KCNT2: variants seen among roughly 807,000 people sequenced by gnomAD.
The protein encoded by KCNT2 is potassium channel subfamily T member 2.
KCNT2 carries 67 observed loss-of-function variants against 153.8 expected under a neutral mutation model. The observed-to-expected ratio is 0.44, with a 90% CI of 0.36 to 0.53. KCNT2 has a LOEUF of 0.53. Among genes scored for constraint, KCNT2 ranks in the 20% least tolerant of loss-of-function variants. KCNT2 has a pLI of 0.00. For missense variants in KCNT2, 975 were observed against 1,354.8 expected, an observed-to-expected ratio of 0.72 and a Z score of 4.40; for synonymous variants, 500 against 458.8, an observed-to-expected ratio of 1.09 and a Z score of -1.15.
intron 26 of KCNT2, among the ~76,000 whole-genome samples, chr1:196,251,252 C>A (rs1655943255): frequency 6.6e-6 from 1 of 152,062 alleles, no homozygotes; most frequent in Non-Finnish European, 1.5e-5. Flanking sequence ...TACATATATA[C>A]AATGGAGTAA....
intron 1 of KCNT2, among the ~76,000 whole-genome samples, chr1:196,539,455 T>C (rs1656043386): frequency 6.6e-6 from 1 of 152,178 alleles, no homozygotes; most frequent in African/African-American, 2.4e-5. Flanking sequence ...AATATTAGTA[T>C]ATTACACTTT....
chr1:196,500,340 C>T (rs1488309294), intron 1 of KCNT2, among the ~76,000 whole-genome samples: 2 of 151,074 alleles, frequency 1.3e-5, no homozygotes, highest in Non-Finnish European at 2.9e-5. Context: ...GAAAAAGAAA[C>T]GTTCATTCAA....
At chr1:196,391,084 T>C (rs1368469662) in intron 13 of KCNT2, among the ~76,000 whole-genome samples, 1 of 151,066 alleles carries the variant, frequency 6.6e-6, no homozygotes, top group Non-Finnish European at 1.5e-5. Context: ...TTGATATACA[T>C]GGAGGTTATG....
At position 196,236,055 on chromosome 1, in the gene KCNT2, T is replaced by C; in HGVS notation, c.3227A>G (p.His1076Arg). 1 of 1,589,974 alleles carries C rather than the reference T, an allele frequency of 6.3e-7. No homozygotes were observed. Among genetic ancestry groups the C allele is most frequent in the Non-Finnish European group, 8.6e-7 (1 of 1,159,042 alleles). Residue 1076 changes from histidine to arginine, a missense_variant, in exon 27 of 28, where the codon CAT becomes CGT. His to Arg is a conservative substitution (Grantham distance 29). Coordinates refer to ENST00000294725, the MANE Select transcript of KCNT2 (RefSeq NM_198503.5). ...STVGYDEMNDHQSTLSYILIN... is the reference protein window; with the variant it reads ...STVGYDEMNDRQSTLSYILIN... ...CAGGATGTAGGAGAGGGTACTTTGA[T>C]GATCATTCATTTCATCTAGAAGATA...
In KCNT2 at chr1:196,447,482, G is replaced by A. The variant is rs1315104326; in HGVS notation, c.639-17725C>T. Among the ~76,000 whole-genome samples, 3 of 151,602 alleles carry A rather than the reference G, an allele frequency of 2.0e-5. No homozygotes were observed. In the Admixed American group the frequency reaches 2.0e-4, roughly 10 times the overall value. ...TGGTGAGGAAGCCTATTGAAGGAGAGAAAGTACGATGTAAGTTGGGGTCAG... is the reference window on the plus strand; with the variant it reads ...TGGTGAGGAAGCCTATTGAAGGAGAAAAAGTACGATGTAAGTTGGGGTCAG... On this transcript the variant is annotated intron_variant, in intron 8 of 27. Coordinates refer to ENST00000294725, the MANE Select transcript of KCNT2 (RefSeq NM_198503.5).
intron 8 of KCNT2, 30 bp downstream of exon 8, chr1:196,465,261 CAT>C: frequency 8.9e-7 from 1 of 1,118,486 alleles, no homozygotes; most frequent in Non-Finnish European, 1.3e-6. Flanking sequence ...TTAAATGAAA[CAT>C]AACACAAATT....
At chr1:196,547,095 C>T (rs113692009) in intron 1 of KCNT2, among the ~76,000 whole-genome samples, 8,936 of 151,876 alleles carry the variant, frequency 0.059, 392 homozygotes, top group Non-Finnish European at 0.085. Flanking sequence ...AAAAAGACAA[C>T]GTATTTTCAT....
At chr1:196,414,948 T>C (rs1420097504) in intron 12 of KCNT2, among the ~76,000 whole-genome samples, 1 of 151,942 alleles carries the variant, frequency 6.6e-6, no homozygotes, top group Non-Finnish European at 1.5e-5. Flanking sequence ...TTGATCATAT[T>C]AAGGGCAAAT....
rs1223216494 is a variant in KCNT2, at chr1:196,467,763, A to T, written c.483T>A (p.Asn161Lys). 6.2e-7 allele frequency: 1 copy of T among 1,605,952 alleles called. No homozygotes were observed. The highest frequency in any genetic ancestry group is 8.5e-7 in the Non-Finnish European group (1 of 1,174,544). ...IISIFWPSLR[N>K]LFVPVFLNCW... ...AGTTCAGAAAGACTGGGACAAATAG[A>T]TTCCTTAAGGAAGGCCAGAATATCT... Residue 161 changes from asparagine to lysine, a missense_variant, in exon 7 of 28, where the codon AAT (asparagine) becomes AAA (lysine). This residue lies in a region of KCNT2 where 140 missense variants were observed against 216.0 expected (regional missense o/e 0.65). Coordinates refer to ENST00000294725, the MANE Select transcript of KCNT2 (RefSeq NM_198503.5).
At chr1:196,358,918 T>C (rs974523740) in intron 14 of KCNT2, among the ~76,000 whole-genome samples, 1 of 151,984 alleles carries the variant, frequency 6.6e-6, no homozygotes, top group African/African-American at 2.4e-5. Context: ...GAATATGATG[T>C]GTTAAATGGT....
In KCNT2 at chr1:196,429,629, T is replaced by C. The variant is rs758510772; in HGVS notation, c.767A>G (p.Lys256Arg). The change falls in exon 9 of 28, where the codon AAG becomes AGG. Residue 256 changes from lysine (K) to arginine (R), a missense_variant. Physicochemically the swap from Lys to Arg is conservative, Grantham distance 26. This residue lies in a region of KCNT2 where 202 missense variants were observed against 314.9 expected (regional missense o/e 0.64). Coordinates refer to ENST00000294725, the MANE Select transcript of KCNT2 (RefSeq NM_198503.5). ...ACAAATCATAGCAACTACAAAAAGC[T>C]TGGAGGACCATGTTTCAGGAGTGAC... Reference protein sequence around the residue: ...GDVTPETWSSKLFVVAMICVA... With the variant: ...GDVTPETWSSRLFVVAMICVA... 6.2e-6 allele frequency: 10 copies of C among 1,612,970 alleles called. No individual in the cohort carries two copies. The East Asian group carries it at 2.2e-4, about 36-fold the overall frequency.
intron 27 of KCNT2, among the ~76,000 whole-genome samples, chr1:196,234,861 C>A (rs1654290869): frequency 6.6e-6 from 1 of 151,310 alleles, no homozygotes. Flanking sequence ...GGATCTTTGG[C>A]ATTTGTTTTA....
intron 14 of KCNT2, among the ~76,000 whole-genome samples, chr1:196,371,567 C>T (rs1188305409): frequency 1.3e-5 from 2 of 151,980 alleles, no homozygotes; most frequent in African/African-American, 4.8e-5. Context: ...TACTGTGACA[C>T]AGTTGTAAAA....
chr1:196,565,098 G>GA (rs1283691628), intron 1 of KCNT2, among the ~76,000 whole-genome samples: 76 of 116,670 alleles, frequency 6.5e-4, no homozygotes, highest in South Asian at 2.1e-3. Context: ...AAAATAAATA[G>GA]AAAAAAAAAC....
chr1:196,396,684 A>T (rs112058206), intron 13 of KCNT2, among the ~76,000 whole-genome samples: 8,738 of 151,714 alleles, frequency 0.058, 393 homozygotes, highest in Non-Finnish European at 0.085. Flanking sequence ...GAATGTAGGC[A>T]CTAATAAAAA....
At chr1:196,565,590 T>TAC (rs1241074926) in intron 1 of KCNT2, among the ~76,000 whole-genome samples, 1 of 133,856 alleles carries the variant, frequency 7.5e-6, no homozygotes, top group South Asian at 2.1e-4. Flanking sequence ...CAAATCATTA[T>TAC]ACATATATAT....
At chr1:196,522,452 C>G (rs1265575808) in intron 1 of KCNT2, among the ~76,000 whole-genome samples, 1 of 152,140 alleles carries the variant, frequency 6.6e-6, no homozygotes, top group Non-Finnish European at 1.5e-5. Context: ...AGTCATTAAA[C>G]CTTACATTTT....
At chr1:196,434,350 T>G (rs1438914705) in intron 8 of KCNT2, among the ~76,000 whole-genome samples, 1 of 152,090 alleles carries the variant, frequency 6.6e-6, no homozygotes, top group Non-Finnish European at 1.5e-5. Context: ...TGCTTGAGTC[T>G]GCATTAAAAG....
At chr1:196,538,981 CATT>C (rs1655978683) in intron 1 of KCNT2, among the ~76,000 whole-genome samples, 1 of 152,096 alleles carries the variant, frequency 6.6e-6, no homozygotes. Flanking sequence ...TTAAAAATAA[CATT>C]ACCCTCCTCT....
Sources: allele counts gnomAD v4.1 joint callset (sites outside exome capture counted in the v4.1 genomes callset), GRCh38; gene constraint gnomAD v4.1.1; regional missense constraint gnomAD v4.1.1; transcripts MANE v1.5; gene names NCBI Gene and HGNC (gene_info 2026-07-23, HGNC 2026-07-21).